Variants in CLNK observed in about 807,000 individuals in gnomAD.
The protein encoded by CLNK is cytokine-dependent hematopoietic cell linker.
In CLNK, 74 loss-of-function variants were observed where a neutral mutation model predicts 68.6. That is an observed-to-expected ratio of 1.08 (90% CI 0.89 to 1.31). The LOEUF is 1.31. Ranked by LOEUF, CLNK falls within the 50% of genes most tolerant of loss-of-function variation. The pLI is 0.00. For synonymous variants in CLNK, 198 were observed against 172.2 expected (o/e 1.15, Z -1.17); for missense variants, 553 against 515.3 (o/e 1.07, Z -0.71).
chr4:10,673,899 C>A (rs1724764132), intron 1 of CLNK, among the ~76,000 whole-genome samples: 1 of 152,134 alleles, frequency 6.6e-6, no homozygotes, highest in South Asian at 2.1e-4. Context: ...CCTTGAGAAG[C>A]TGGAATGCCC....
intron 4 of CLNK, among the ~76,000 whole-genome samples, chr4:10,582,184 A>G (rs1008774731): frequency 2.0e-5 from 3 of 152,160 alleles, no homozygotes; most frequent in African/African-American, 7.2e-5. Context: ...AATATTCCCA[A>G]CACCCTGGGG....
chr4:10,674,849 T>C (rs1724807418), intron 1 of CLNK, among the ~76,000 whole-genome samples: 1 of 152,208 alleles, frequency 6.6e-6, no homozygotes, highest in African/African-American at 2.4e-5. Context: ...AGTAAGAACA[T>C]GTGGTGTTTG....
At chr4:10,730,172 CT>C in the CLNK span, among the ~76,000 whole-genome samples, 3 of 152,174 alleles carry the variant, frequency 2.0e-5, no homozygotes, top group Non-Finnish European at 2.9e-5. Flanking sequence ...AGCTCACGGT[CT>C]GCATAGCCAC....
intron 8 of CLNK, among the ~76,000 whole-genome samples, chr4:10,552,155 C>A (rs745508018): frequency 6.6e-6 from 1 of 151,998 alleles, no homozygotes. Context: ...CACGCCCGGC[C>A]GAGAATTATA....
intron 3 of CLNK, among the ~76,000 whole-genome samples, chr4:10,595,849 AT>A (rs2108844009): frequency 6.6e-6 from 1 of 152,268 alleles, no homozygotes; most frequent in East Asian, 1.9e-4. Flanking sequence ...AGGGTTACCT[AT>A]TAGCTGTTAG....
intron 2 of CLNK, among the ~76,000 whole-genome samples, chr4:10,621,231 C>T (rs114973830): frequency 1.1e-4 from 16 of 152,224 alleles, no homozygotes; most frequent in East Asian, 3.9e-4. Context: ...CCTTGAAACG[C>T]GATAGAAGTG....
At chr4:10,591,224 A>G (rs1490322050) in intron 3 of CLNK, among the ~76,000 whole-genome samples, 4 of 152,176 alleles carry the variant, frequency 2.6e-5, no homozygotes, top group African/African-American at 4.8e-5. Flanking sequence ...AACACACAGC[A>G]TTGATTTGAG....
intron 2 of CLNK, among the ~76,000 whole-genome samples, chr4:10,625,976 C>T (rs922476982): frequency 1.3e-5 from 2 of 152,238 alleles, no homozygotes; most frequent in Non-Finnish European, 2.9e-5. Flanking sequence ...TTAATTTAAC[C>T]TTCACAGAAA....
At chr4:10,704,689 C>A in the CLNK span, among the ~76,000 whole-genome samples, 1 of 152,144 alleles carries the variant, frequency 6.6e-6, no homozygotes, top group African/African-American at 2.4e-5. Context: ...ACTCTTTGTG[C>A]CCACAGGGTC....
chr4:10,566,787 C>T (rs1720132451), intron 5 of CLNK, among the ~76,000 whole-genome samples: 1 of 152,014 alleles, frequency 6.6e-6, no homozygotes, highest in African/African-American at 2.4e-5. Context: ...AGTTTGAGAA[C>T]AGCCTGGGCA....
At chr4:10,608,862 C>T (rs1006643187) in intron 2 of CLNK, among the ~76,000 whole-genome samples, 24 of 152,202 alleles carry the variant, frequency 1.6e-4, no homozygotes, top group Admixed American at 8.5e-4. Context: ...ACCCTTAGAA[C>T]TGGCGTTTGG....
At chr4:10,588,826 A>G (rs768997063) in intron 3 of CLNK, among the ~76,000 whole-genome samples, 2 of 151,912 alleles carry the variant, frequency 1.3e-5, no homozygotes, top group Non-Finnish European at 2.9e-5. Context: ...AAAATAGTCT[A>G]TATATTATAT....
intron 2 of CLNK, among the ~76,000 whole-genome samples, chr4:10,662,197 T>C (rs1724220773): frequency 1.3e-5 from 2 of 152,182 alleles, no homozygotes; most frequent in African/African-American, 2.4e-5. Context: ...CTAGAGTATA[T>C]AGTGTTAAGT....
chr4:10,560,594 T>A (rs1719848650), intron 7 of CLNK, among the ~76,000 whole-genome samples: 1 of 148,406 alleles, frequency 6.7e-6, no homozygotes, highest in Admixed American at 6.7e-5. Context: ...CAGGCGTGCG[T>A]CACCATGCCC....
the CLNK span, among the ~76,000 whole-genome samples, chr4:10,707,626 T>A: frequency 2.0e-5 from 3 of 152,180 alleles, no homozygotes; most frequent in Non-Finnish European, 2.9e-5. Context: ...ACCTTTGGCA[T>A]ACTTTCTCAA....
At chr4:10,669,918 G>C (rs1724562375) in intron 1 of CLNK, among the ~76,000 whole-genome samples, 2 of 152,176 alleles carry the variant, frequency 1.3e-5, no homozygotes, top group African/African-American at 4.8e-5. Flanking sequence ...TGGGGAAGGG[G>C]ACTTGAACTT....
At chr4:10,622,950 C>T (rs1722518318) in intron 2 of CLNK, among the ~76,000 whole-genome samples, 1 of 152,086 alleles carries the variant, frequency 6.6e-6, no homozygotes, top group Non-Finnish European at 1.5e-5. Flanking sequence ...TAATTTTCTT[C>T]AGAGGGGTTT....
At chr4:10,538,240 A>G (rs997224532) in intron 11 of CLNK, among the ~76,000 whole-genome samples, 1 of 152,018 alleles carries the variant, frequency 6.6e-6, no homozygotes, top group Admixed American at 6.6e-5. Context: ...AGCGATTCTC[A>G]TGTCTCAGTC....
At position 10,664,074 on chromosome 4, in the gene CLNK, G is replaced by A. The variant is rs115042547; in HGVS notation, c.11+3785C>T. Among the ~76,000 whole-genome samples, 419 of 152,192 alleles carry A rather than the reference G, an allele frequency of 2.8e-3. 1 individual carries two copies. The highest frequency in any genetic ancestry group is 9.7e-3 in the African/African-American group (401 of 41,528). On this transcript the variant is annotated intron_variant, in intron 2 of 18. Transcript: ENST00000226951. Reference sequence around the variant, plus strand: ...CTGAGCTATTTTGTTATAGCCACCCGAGAAGACTAAGGCAGATAGTAAGGA... The same window carrying A: ...CTGAGCTATTTTGTTATAGCCACCCAAGAAGACTAAGGCAGATAGTAAGGA...
Sources: allele counts gnomAD v4.1 joint callset (sites outside exome capture counted in the v4.1 genomes callset), GRCh38; gene constraint gnomAD v4.1.1; transcripts MANE v1.5; gene names NCBI Gene and HGNC (gene_info 2026-07-23, HGNC 2026-07-21).